SP110: variants seen among roughly 807,000 people sequenced by gnomAD.
SP110 encodes the protein interferon-induced protein 41, 30kD.
In SP110, 62 loss-of-function variants were observed where a neutral mutation model predicts 92.7. The ratio of observed to expected loss-of-function variants is 0.67; its 90% CI spans 0.55 to 0.83. The LOEUF (loss-of-function observed/expected upper bound fraction) is 0.83. SP110 is among the 40% of genes least tolerant of loss of function. The probability of loss-of-function intolerance (pLI) is 0.00; values close to 1 mark genes in which losing one functional copy is unlikely to be tolerated. For missense variants in SP110, 793 were observed against 863.9 expected, an observed-to-expected ratio of 0.92 and a Z score of 1.03; for synonymous variants, 273 against 305.3, an observed-to-expected ratio of 0.89 and a Z score of 1.10.
chr2:230,184,410 C>T (rs2042263328), intron 11 of SP110, among the ~76,000 whole-genome samples: 1 of 152,096 alleles, frequency 6.6e-6, no homozygotes, highest in South Asian at 2.1e-4. Context: ...ATTTGTTTGT[C>T]AGGACGGGGA....
chr2:230,184,497 G>T (rs1334577884), intron 11 of SP110, among the ~76,000 whole-genome samples: 1 of 152,158 alleles, frequency 6.6e-6, no homozygotes, highest in Non-Finnish European at 1.5e-5. Flanking sequence ...GACAGCCTCC[G>T]AAGCAAAGAA....
intron 16 of SP110, 97 bp downstream of exon 16, chr2:230,171,969 G>C (rs2078454225): frequency 2.3e-6 from 2 of 871,864 alleles, no homozygotes; most frequent in Admixed American, 3.4e-5. Context: ...GGGAGACATT[G>C]AAGGCTCCCT....
intron 8 of SP110, 113 bp downstream of exon 8, chr2:230,207,878 C>G: frequency 1.4e-6 from 1 of 690,012 alleles, no homozygotes; most frequent in Non-Finnish European, 2.6e-6. Context: ...GACTAAATCT[C>G]TTCAATGGCT....
At chr2:230,177,737 A>T in intron 13 of SP110, 57 bp from the exon 14 acceptor site, 1 of 1,580,376 alleles carries the variant, frequency 6.3e-7, no homozygotes, top group Non-Finnish European at 8.7e-7. Flanking sequence ...TTCACCCTGA[A>T]CCTCTTCATC....
chr2:230,193,414 C>T (rs945981062), intron 10 of SP110, among the ~76,000 whole-genome samples: 5 of 152,104 alleles, frequency 3.3e-5, no homozygotes, highest in Admixed American at 2.0e-4. Flanking sequence ...TACCTACATA[C>T]GTTGTTTTCT....
chr2:230,180,998 G>A (rs1282411330), intron 12 of SP110, among the ~76,000 whole-genome samples: 1 of 152,096 alleles, frequency 6.6e-6, no homozygotes, highest in Non-Finnish European at 1.5e-5. Context: ...TAATTAAATG[G>A]CAAAATGTAG....
At chr2:230,202,789 T>A (rs1241938126) in intron 8 of SP110, 61 bp from the exon 9 acceptor site, 1 of 1,528,942 alleles carries the variant, frequency 6.5e-7, no homozygotes, top group Non-Finnish European at 9.1e-7. Flanking sequence ...CCTCCTACAG[T>A]CCCAATCAGT....
At chr2:230,202,484 A>T in intron 9 of SP110, 95 bp downstream of exon 9, 2 of 1,188,362 alleles carry the variant, frequency 1.7e-6, no homozygotes, top group Admixed American at 1.9e-5. Context: ...TCCTTTTACT[A>T]TTGACTTTAC....
At chr2:230,222,757 C>T (rs2045925539), upstream of SP110, among the ~76,000 whole-genome samples, 1 of 149,454 alleles carries the variant, frequency 6.7e-6, no homozygotes, top group South Asian at 2.1e-4. Context: ...GTGACCTTTG[C>T]AAACAATCCC....
Position 230,194,300 on chromosome 2 carries a change from A to G in SP110, c.1129+6585T>C, listed in dbSNP as rs184427491. On this transcript the variant is annotated intron_variant, in intron 10 of 18. Coordinates refer to ENST00000258381, the MANE Select transcript of SP110 (RefSeq NM_080424.4). ...AGGCCCTTTGTGAATAATTTTGAGT[A>G]AAAGAATAAAGAAAAAGGGGCCAGG... Among the ~76,000 whole-genome samples, 327 of 152,196 alleles carry G rather than the reference A, an allele frequency of 2.1e-3. 1 individual carries two copies. Among genetic ancestry groups the G allele is most frequent in the African/African-American group, 7.2e-3 (297 of 41,522 alleles).
At chr2:230,208,981 G>A (rs914269746) in intron 7 of SP110, among the ~76,000 whole-genome samples, 4 of 152,196 alleles carry the variant, frequency 2.6e-5, no homozygotes, top group Non-Finnish European at 4.4e-5. Flanking sequence ...AGGAGGAAAG[G>A]CCAGTGGACT....
upstream of SP110, among the ~76,000 whole-genome samples, chr2:230,222,849 T>G (rs1428953963): frequency 1.3e-5 from 2 of 151,520 alleles, no homozygotes; most frequent in South Asian, 2.1e-4. Flanking sequence ...AGTTTTTTTT[T>G]TTTTTTTTTT....
At chr2:230,171,455 T>C in intron 17 of SP110, 1 of 552,702 alleles carries the variant, frequency 1.8e-6, no homozygotes, top group Non-Finnish European at 3.2e-6. Flanking sequence ...ATGAAACAGA[T>C]ACACAGGAGG....
chr2:230,172,299 G>C, intron 15 of SP110, 125 bp from the exon 16 acceptor site: 1 of 752,408 alleles, frequency 1.3e-6, no homozygotes. Flanking sequence ...ACCTCCCAGA[G>C]TGTCCAAGAT....
chr2:230,222,792 C>T (rs2045928397), upstream of SP110, among the ~76,000 whole-genome samples: 1 of 150,708 alleles, frequency 6.6e-6, no homozygotes, highest in African/African-American at 2.4e-5. Context: ...CACCAGGCAA[C>T]CACTGATCTG....
upstream of SP110, among the ~76,000 whole-genome samples, chr2:230,222,376 C>A (rs1184723026): frequency 6.6e-6 from 1 of 151,966 alleles, no homozygotes; most frequent in South Asian, 2.1e-4. Context: ...AAAATTTATT[C>A]ATTGTAATGT....
In SP110 at chr2:230,165,881, G is replaced by A. The variant is rs2078303126; in HGVS notation, c.*3243C>T. ...AAATATTAAAATATGACAGAAATAA[G>A]ACCACCTATATAACTTTTTTTTTTT... On this transcript the variant is annotated 3_prime_UTR_variant, in exon 19 of 19. Coordinates refer to ENST00000258381, the MANE Select transcript of SP110 (RefSeq NM_080424.4). Among the ~76,000 whole-genome samples the A allele has an allele frequency of 6.9e-6, 1 of 145,198 alleles. No homozygotes were observed. The highest frequency in any genetic ancestry group is 2.2e-4 in the South Asian group (1 of 4,628).
At position 230,212,963 on chromosome 2, in the gene SP110, T is replaced by A; in HGVS notation, c.381A>T (p.Leu127=). Residue 127 remains leucine (L), a synonymous_variant, in exon 4 of 19, where the codon CTA becomes CTT. Transcript: ENST00000258381. ...TPILLEAPTG[L]AEGSSLHTPL... Reference sequence around the variant, plus strand: ...GGGTATGGAGGGAGCTTCCTTCTGCTAGGCCAGTTGGGGCTTCAAGTAGGA... The same window carrying A: ...GGGTATGGAGGGAGCTTCCTTCTGCAAGGCCAGTTGGGGCTTCAAGTAGGA... 6.2e-7 allele frequency: 1 copy of A among 1,614,060 alleles called. No homozygotes were observed. The highest frequency in any genetic ancestry group is 8.5e-7 in the Non-Finnish European group (1 of 1,179,966).
At chr2:230,170,560 T>C (rs1355684735) in intron 18 of SP110, 61 bp downstream of exon 18, 3 of 1,595,484 alleles carry the variant, frequency 1.9e-6, no homozygotes, top group African/African-American at 1.3e-5. Flanking sequence ...AAAATTCTGC[T>C]GTCCCAGAAA....
Sources: allele counts gnomAD v4.1 joint callset (sites outside exome capture counted in the v4.1 genomes callset), GRCh38; gene constraint gnomAD v4.1.1; transcripts MANE v1.5; gene names NCBI Gene and HGNC (gene_info 2026-07-23, HGNC 2026-07-21).